ADAMTS18: variants seen among roughly 807,000 people sequenced by gnomAD.
The protein encoded by ADAMTS18 is A disintegrin and metalloproteinase with thrombospondin motifs 18.
Under a neutral mutation model 165.9 loss-of-function variants are expected in ADAMTS18, and 157 were observed. That is an observed-to-expected ratio of 0.95 (90% confidence interval 0.83 to 1.08). The LOEUF is 1.08. ADAMTS18 is among the 50% of genes least tolerant of loss of function. ADAMTS18 has a pLI of 0.00. For synonymous variants in ADAMTS18, 782 were observed against 578.2 expected, an observed-to-expected ratio of 1.35 and a Z score of -5.06; for missense variants, 2,040 against 1,534.0, an observed-to-expected ratio of 1.33 and a Z score of -5.51.
Position 77,293,214 on chromosome 16 carries a change from G to A in ADAMTS18, c.3051C>T (p.Leu1017=). ...GGGTTTCTGCGGCAGAGCCCTTGCA[G>A]AGGAGTTCACGCTTCCTCACCCCTC... ...CGRGVRKREL[L]CKGSAAETLP... The change falls in exon 20 of 23, where the codon CTC becomes CTT. Residue 1017 remains leucine (L), a synonymous_variant. Transcript: ENST00000282849. 5 of 1,613,952 alleles carry A rather than the reference G, an allele frequency of 3.1e-6. No individual in the cohort carries two copies. Among genetic ancestry groups the A allele is most frequent in the South Asian group, 2.2e-5 (2 of 91,064 alleles).
At chr16:77,418,968 G>A (rs183061997) in intron 3 of ADAMTS18, among the ~76,000 whole-genome samples, 6 of 152,178 alleles carry the variant, frequency 3.9e-5, no homozygotes, top group Non-Finnish European at 7.3e-5. Context: ...GGCCAACGTG[G>A]TGAAACACCG....
chr16:77,430,519 C>A (rs546019859), intron 3 of ADAMTS18, among the ~76,000 whole-genome samples: 35 of 152,306 alleles, frequency 2.3e-4, no homozygotes, highest in Non-Finnish European at 4.7e-4. Flanking sequence ...AGCACAATCA[C>A]CATGTGTCTC....
chr16:77,354,022 A>C (rs2056593867), intron 9 of ADAMTS18, 136 bp from the exon 10 acceptor site: 1 of 1,116,058 alleles, frequency 9.0e-7, no homozygotes, highest in Non-Finnish European at 1.3e-6. Context: ...TTAAAGTTCA[A>C]ATCTATGTTT....
chr16:77,297,624 T>G (rs2055499471), intron 17 of ADAMTS18, among the ~76,000 whole-genome samples: 1 of 152,088 alleles, frequency 6.6e-6, no homozygotes, highest in Non-Finnish European at 1.5e-5. Flanking sequence ...ATTTTAATAA[T>G]TGTAACATGT....
intron 3 of ADAMTS18, among the ~76,000 whole-genome samples, chr16:77,398,356 TAAAG>T (rs1226649080): frequency 6.9e-6 from 1 of 145,344 alleles, no homozygotes; most frequent in Non-Finnish European, 1.5e-5. Context: ...CAAAAATAAA[TAAAG>T]AGAGAAAGAG....
At chr16:77,307,423 A>G (rs1257444407) in intron 16 of ADAMTS18, among the ~76,000 whole-genome samples, 3 of 152,212 alleles carry the variant, frequency 2.0e-5, no homozygotes, top group Non-Finnish European at 4.4e-5. Flanking sequence ...GACCCTGATC[A>G]GGGATTTGGA....
At position 77,431,956 on chromosome 16, in the gene ADAMTS18, C is replaced by G. The variant is rs76822887; in HGVS notation, c.179-345G>C. Among the ~76,000 whole-genome samples the G allele has an allele frequency of 5.5e-4, 83 of 152,154 alleles. 1 individual carries two copies. In the East Asian group the frequency reaches 0.016, roughly 29 times the overall value. Reference sequence around the variant, plus strand: ...GCCTTTTATAATATTGGCCACAGAACCATTCATATATATAAAATTTAATTT... The same window carrying G: ...GCCTTTTATAATATTGGCCACAGAAGCATTCATATATATAAAATTTAATTT... On this transcript the variant is annotated intron_variant, in intron 2 of 22. Transcript: ENST00000282849.
intron 3 of ADAMTS18, among the ~76,000 whole-genome samples, chr16:77,375,181 T>C (rs1322198418): frequency 6.6e-6 from 1 of 152,080 alleles, no homozygotes; most frequent in Non-Finnish European, 1.5e-5. Flanking sequence ...TGAAATATTA[T>C]TCCTCTGTAT....
chr16:77,297,964 G>A lies in ADAMTS18; in HGVS notation c.2675-549C>T, dbSNP rs568945539. ...TTTTGAGATGGAGTCTCATTCTGTC[G>A]CCCAGGCTGGAGTGCAGTGGCGTGA... is the stretch of plus-strand genomic sequence containing the variant. On this transcript the variant is annotated intron_variant, in intron 17 of 22. Transcript: ENST00000282849. Among the ~76,000 whole-genome samples, 67 of 111,328 alleles carry A rather than the reference G, an allele frequency of 6.0e-4. 1 individual carries two copies. The South Asian group carries it at 0.019, about 31-fold the overall frequency. The allele number at this position is 111,328 out of a possible 152,430, so 73.0% of individuals were successfully genotyped here.
chr16:77,305,284 C>T (rs980283397), intron 16 of ADAMTS18, among the ~76,000 whole-genome samples: 6 of 152,146 alleles, frequency 3.9e-5, no homozygotes, highest in African/African-American at 1.2e-4. Flanking sequence ...CCTGCAAATA[C>T]TTAAACCTTT....
intron 3 of ADAMTS18, among the ~76,000 whole-genome samples, chr16:77,411,608 T>A (rs59735826): frequency 3.3e-4 from 50 of 151,708 alleles, no homozygotes; most frequent in African/African-American, 1.2e-3. Flanking sequence ...AACTTTACCA[T>A]TGAATGGTGA....
At chr16:77,420,376 T>C (rs2057586297) in intron 3 of ADAMTS18, among the ~76,000 whole-genome samples, 1 of 152,186 alleles carries the variant, frequency 6.6e-6, no homozygotes, top group Non-Finnish European at 1.5e-5. Flanking sequence ...CAAACTCAAC[T>C]GTGCATTAGG....
At chr16:77,395,108 G>C (rs928137149) in intron 3 of ADAMTS18, among the ~76,000 whole-genome samples, 1 of 152,186 alleles carries the variant, frequency 6.6e-6, no homozygotes, top group Admixed American at 6.6e-5. Context: ...GAAGGATACA[G>C]CAAGCTGCCA....
At chr16:77,370,590 A>T (rs1447601256) in intron 3 of ADAMTS18, among the ~76,000 whole-genome samples, 2 of 152,096 alleles carry the variant, frequency 1.3e-5, no homozygotes, top group Non-Finnish European at 2.9e-5. Flanking sequence ...TCTCTACTAA[A>T]AATACAAAAA....
At position 77,400,194 on chromosome 16, in the gene ADAMTS18, G is replaced by A. The variant is rs568996028; in HGVS notation, c.495+31101C>T. On this transcript the variant is annotated intron_variant, in intron 3 of 22. Transcript: ENST00000282849. ...TTCCCTATAGGCTCCTCACATCTCA[G>A]CTCCAGCTGCAGTAGACAGTTCAGG... is the stretch of plus-strand genomic sequence containing the variant. Among the ~76,000 whole-genome samples the A allele has an allele frequency of 2.0e-5, 3 of 152,070 alleles. No homozygotes were observed. In the East Asian group the frequency reaches 5.8e-4, roughly 29 times the overall value.
At chr16:77,401,686 G>C (rs942801611) in intron 3 of ADAMTS18, among the ~76,000 whole-genome samples, 2 of 152,214 alleles carry the variant, frequency 1.3e-5, no homozygotes, top group Non-Finnish European at 2.9e-5. Context: ...ATTTAAGGAA[G>C]AGAAAGCATG....
chr16:77,423,961 C>A (rs2057637624), intron 3 of ADAMTS18, among the ~76,000 whole-genome samples: 1 of 152,162 alleles, frequency 6.6e-6, no homozygotes, highest in Non-Finnish European at 1.5e-5. Context: ...CCTTCCCAGA[C>A]CTTCTCCTAG....
intron 3 of ADAMTS18, among the ~76,000 whole-genome samples, chr16:77,414,207 C>A (rs1396591153): frequency 3.3e-5 from 5 of 152,178 alleles, no homozygotes; most frequent in Admixed American, 2.6e-4. Flanking sequence ...GAAGGACAAA[C>A]AATTTTAGCA....
rs114767850 is a variant in ADAMTS18, at chr16:77,391,535, C to T, written c.496-23812G>A. 6.8e-3 allele frequency among the ~76,000 whole-genome samples: 1,037 copies of T among 151,780 alleles called. 19 individuals are homozygous for T. Among genetic ancestry groups the T allele is most frequent in the African/African-American group, 0.024 (979 of 41,416 alleles). Reference sequence around the variant, plus strand: ...AGGCTTGGGACAAATGAGCTGGAACCTGTCAATGTCAAATAACAAGTAATT... The same window carrying T: ...AGGCTTGGGACAAATGAGCTGGAACTTGTCAATGTCAAATAACAAGTAATT... On this transcript the variant is annotated intron_variant, in intron 3 of 22. Coordinates refer to ENST00000282849, the MANE Select transcript of ADAMTS18 (RefSeq NM_199355.4).
Sources: gnomAD v4.1 joint callset for allele counts (sites outside exome capture counted in the v4.1 genomes callset) on GRCh38, gnomAD v4.1.1 for gene constraint, MANE v1.5 for transcripts, NCBI Gene and HGNC (gene_info 2026-07-23, HGNC 2026-07-21) for gene names.